Variants in LHFPL6 observed in about 807,000 individuals in gnomAD.
LHFPL6 encodes the protein LHFPL tetraspan subfamily member 6.
LHFPL6 carries 9 observed loss-of-function variants against 20.6 expected under a neutral mutation model. The ratio of observed to expected loss-of-function variants is 0.44; its 90% CI spans 0.26 to 0.76. The LOEUF (loss-of-function observed/expected upper bound fraction) is 0.76, where lower values mean the gene tolerates loss of function less well. LHFPL6 is among the 30% of genes least tolerant of loss of function. The pLI, the probability that LHFPL6 is intolerant of heterozygous loss-of-function variation, is 0.20. For missense variants in LHFPL6, 218 were observed against 253.5 expected (o/e 0.86, Z 0.95); for synonymous variants, 105 against 98.7 (o/e 1.06, Z -0.38).
intron 2 of LHFPL6, among the ~76,000 whole-genome samples, chr13:39,599,189 G>C (rs905995571): frequency 6.6e-5 from 10 of 152,174 alleles, no homozygotes; most frequent in African/African-American, 2.4e-4. Context: ...ATAATAGCAG[G>C]CCCTGCCCTA....
In LHFPL6 at chr13:39,413,548, A is replaced by T. The variant is rs112766428; in HGVS notation, c.386-35022T>A. Among the ~76,000 whole-genome samples, 421 of 147,396 alleles carry T rather than the reference A, an allele frequency of 2.9e-3. 2 individuals carry two copies. The highest frequency in any genetic ancestry group is 1.0e-2 in the African/African-American group (397 of 39,888). ...ATCCTCCTGCCTCAACCTCCTGTGT[A>T]TCTGGGACTACAGGCGTGTGTCATC... On this transcript the variant is annotated intron_variant, in intron 2 of 3. Transcript: ENST00000379589.
intron 2 of LHFPL6, among the ~76,000 whole-genome samples, chr13:39,393,493 C>T (rs747619899): frequency 2.6e-5 from 4 of 152,112 alleles, no homozygotes; most frequent in Admixed American, 6.6e-5. Context: ...GAGAAGTAGA[C>T]GTGGTCATCT....
chr13:39,543,893 A>G (rs1231563862), intron 2 of LHFPL6, among the ~76,000 whole-genome samples: 4 of 152,272 alleles, frequency 2.6e-5, no homozygotes, highest in Non-Finnish European at 5.9e-5. Context: ...TCTCAGACAC[A>G]TCTGGAAAAT....
At chr13:39,385,196 AGAT>A (rs1190919565) in intron 2 of LHFPL6, among the ~76,000 whole-genome samples, 4 of 152,242 alleles carry the variant, frequency 2.6e-5, no homozygotes, top group Admixed American at 6.5e-5. Context: ...GATTGTAGAG[AGAT>A]GCTGCCTCCT....
chr13:39,401,842 T>A (rs1233536228), intron 2 of LHFPL6, among the ~76,000 whole-genome samples: 2 of 152,186 alleles, frequency 1.3e-5, no homozygotes, highest in African/African-American at 4.8e-5. Context: ...AACCCTGTCA[T>A]CTCAACAATA....
chr13:39,400,639 C>T (rs569775471), intron 2 of LHFPL6, among the ~76,000 whole-genome samples: 28 of 150,674 alleles, frequency 1.9e-4, no homozygotes, highest in South Asian at 1.3e-3. Context: ...AAAAATTAGC[C>T]GGGCGTAGTG....
chr13:39,534,228 T>C (rs189054467), intron 2 of LHFPL6, among the ~76,000 whole-genome samples: 1 of 152,320 alleles, frequency 6.6e-6, no homozygotes, highest in East Asian at 1.9e-4. Context: ...AAATGGAACT[T>C]GATCCTGTTC....
intron 2 of LHFPL6, among the ~76,000 whole-genome samples, chr13:39,497,531 A>C (rs577566963): frequency 6.6e-6 from 1 of 152,200 alleles, no homozygotes. Flanking sequence ...ATTTTTAAAA[A>C]CACTCGGCTA....
At chr13:39,599,763 A>T (rs1872874625) in intron 2 of LHFPL6, among the ~76,000 whole-genome samples, 1 of 152,186 alleles carries the variant, frequency 6.6e-6, no homozygotes, top group Non-Finnish European at 1.5e-5. Context: ...GAAATAATCC[A>T]TTGGGGTTCT....
chr13:39,547,925 AT>A (rs1871030013), intron 2 of LHFPL6, among the ~76,000 whole-genome samples: 1 of 152,094 alleles, frequency 6.6e-6, no homozygotes, highest in Non-Finnish European at 1.5e-5. Context: ...TATACCTTAG[AT>A]GCAAACTTAA....
chr13:39,438,070 G>A (rs775816925), intron 2 of LHFPL6, among the ~76,000 whole-genome samples: 9 of 152,164 alleles, frequency 5.9e-5, no homozygotes, highest in Admixed American at 1.3e-4. Flanking sequence ...TCCTAGAGAC[G>A]TATTAAATTG....
At chr13:39,484,205 C>G (rs554777590) in intron 2 of LHFPL6, among the ~76,000 whole-genome samples, 1 of 152,140 alleles carries the variant, frequency 6.6e-6, no homozygotes, top group Non-Finnish European at 1.5e-5. Flanking sequence ...CACTTCATAT[C>G]CAACAAAGTG....
chr13:39,408,702 T>C (rs910873223), intron 2 of LHFPL6, among the ~76,000 whole-genome samples: 3 of 152,218 alleles, frequency 2.0e-5, no homozygotes, highest in Non-Finnish European at 4.4e-5. Flanking sequence ...AAGCGGACCA[T>C]GGAAAACAGC....
intron 2 of LHFPL6, among the ~76,000 whole-genome samples, chr13:39,581,420 G>A (rs1872278415): frequency 6.6e-6 from 1 of 151,568 alleles, no homozygotes; most frequent in Non-Finnish European, 1.5e-5. Context: ...AATTTTAAAT[G>A]TTTCCTACCA....
intron 2 of LHFPL6, among the ~76,000 whole-genome samples, chr13:39,380,305 T>G (rs1035231588): frequency 1.3e-5 from 2 of 152,198 alleles, no homozygotes; most frequent in South Asian, 4.2e-4. Flanking sequence ...TATTTAAGTG[T>G]AAGAAAAATA....
chr13:39,412,269 T>C (rs1273426647), intron 2 of LHFPL6, among the ~76,000 whole-genome samples: 1 of 152,210 alleles, frequency 6.6e-6, no homozygotes, highest in African/African-American at 2.4e-5. Context: ...CAACTATAAA[T>C]GATCAGTGCA....
At chr13:39,412,080 T>C (rs562248777) in intron 2 of LHFPL6, among the ~76,000 whole-genome samples, 257 of 152,350 alleles carry the variant, frequency 1.7e-3, no homozygotes, top group African/African-American at 5.9e-3. Flanking sequence ...TAATATCTAC[T>C]TGGGCTGTAA....
chr13:39,449,343 T>A (rs995548948), intron 2 of LHFPL6, among the ~76,000 whole-genome samples: 2 of 152,238 alleles, frequency 1.3e-5, no homozygotes, highest in Non-Finnish European at 2.9e-5. Context: ...TATACGGTTA[T>A]AAAAGGTTAG....
At chr13:39,352,485 C>T (rs1869593897) in intron 3 of LHFPL6, among the ~76,000 whole-genome samples, 1 of 152,178 alleles carries the variant, frequency 6.6e-6, no homozygotes, top group Non-Finnish European at 1.5e-5. Context: ...TTCCTGCCCT[C>T]TGACTGCATG....
Sources: allele counts gnomAD v4.1 joint callset (sites outside exome capture counted in the v4.1 genomes callset), GRCh38; gene constraint gnomAD v4.1.1; transcripts MANE v1.5; gene names NCBI Gene and HGNC (gene_info 2026-07-23, HGNC 2026-07-21).